SCMH1: variants seen among roughly 807,000 people sequenced by gnomAD.
The protein encoded by SCMH1 is polycomb protein SCMH1.
In SCMH1, 37 loss-of-function variants were observed where a neutral mutation model predicts 70.8. That is an observed-to-expected ratio of 0.52 (90% CI 0.40 to 0.69). The LOEUF is 0.69. Ranked by LOEUF, SCMH1 falls within the 30% of genes least tolerant of loss-of-function variation. SCMH1 has a pLI of 0.00. For synonymous variants in SCMH1, 292 were observed against 307.4 expected, an observed-to-expected ratio of 0.95 and a Z score of 0.52; for missense variants, 607 against 827.3, an observed-to-expected ratio of 0.73 and a Z score of 3.27.
chr1:41,071,504 T>C (rs140471559), intron 9 of SCMH1, among the ~76,000 whole-genome samples: 3 of 152,252 alleles, frequency 2.0e-5, no homozygotes, highest in Non-Finnish European at 4.4e-5. Flanking sequence ...GTACTTAGCA[T>C]AAAATAAGTG....
intron 7 of SCMH1, among the ~76,000 whole-genome samples, chr1:41,115,307 T>G (rs751332178): frequency 2.6e-5 from 4 of 152,252 alleles, no homozygotes; most frequent in African/African-American, 7.2e-5. Flanking sequence ...AATTTTACCA[T>G]GTAATTTTGT....
intron 8 of SCMH1, among the ~76,000 whole-genome samples, chr1:41,088,752 C>A (rs1461568665): frequency 6.6e-6 from 1 of 152,146 alleles, no homozygotes; most frequent in African/African-American, 2.4e-5. Flanking sequence ...AGGAAAAAAA[C>A]GTAAACAAAT....
intron 1 of SCMH1, among the ~76,000 whole-genome samples, chr1:41,194,736 C>T (rs1021315164): frequency 6.6e-6 from 1 of 151,916 alleles, no homozygotes; most frequent in African/African-American, 2.4e-5. Context: ...GGCCATTTGA[C>T]TTTAAAGGTG....
intron 4 of SCMH1, chr1:41,152,705 A>T (rs1174719367): frequency 6.2e-7 from 1 of 1,613,846 alleles, no homozygotes; most frequent in African/African-American, 1.3e-5. Flanking sequence ...GTGGAGCAGC[A>T]CAGAGCCCCT....
chr1:41,096,371 A>G (rs903734307), intron 8 of SCMH1, among the ~76,000 whole-genome samples: 1 of 152,238 alleles, frequency 6.6e-6, no homozygotes, highest in Non-Finnish European at 1.5e-5. Context: ...GTGTGATTTT[A>G]AGGAAGTTAC....
At chr1:41,093,590 T>C (rs1664264428) in intron 8 of SCMH1, among the ~76,000 whole-genome samples, 1 of 152,362 alleles carries the variant, frequency 6.6e-6, no homozygotes, top group South Asian at 2.1e-4. Context: ...ATTCTGTTAA[T>C]ATTAAAATCT....
chr1:41,234,770 G>A (rs1170201511), intron 1 of SCMH1, among the ~76,000 whole-genome samples: 1 of 151,816 alleles, frequency 6.6e-6, no homozygotes, highest in African/African-American at 2.4e-5. Context: ...CACCGCGCCC[G>A]GCAAAACTCT....
At chr1:41,201,857 A>C (rs1014835854) in intron 1 of SCMH1, among the ~76,000 whole-genome samples, 1 of 152,234 alleles carries the variant, frequency 6.6e-6, no homozygotes, top group African/African-American at 2.4e-5. Context: ...TAAACAGCTC[A>C]GGCAGAATAG....
At chr1:41,119,327 AT>A (rs1156648024) in intron 6 of SCMH1, among the ~76,000 whole-genome samples, 10 of 151,772 alleles carry the variant, frequency 6.6e-5, no homozygotes, top group African/African-American at 2.4e-4. Context: ...AGGTAAAGAG[AT>A]TTCTTGGGAC....
chr1:41,229,270 T>C (rs952697569), intron 1 of SCMH1, among the ~76,000 whole-genome samples: 1 of 152,130 alleles, frequency 6.6e-6, no homozygotes, highest in Non-Finnish European at 1.5e-5. Flanking sequence ...TGCACTGTGA[T>C]AGGAGTCACA....
Position 41,134,081 on chromosome 1 carries a change from CACA to C in SCMH1, c.412+8794_412+8796del, listed in dbSNP as rs1271435041. Among the ~76,000 whole-genome samples the C allele has an allele frequency of 3.3e-5, 5 of 152,112 alleles. No individual in the cohort carries two copies. In the South Asian group the frequency reaches 6.2e-4, roughly 19 times the overall value. On this transcript the variant is annotated intron_variant, in intron 6 of 14. Transcript: ENST00000337495. ...CCAGCAGCACATCAAAAAGCGTATC[CACA>C]ACAATCAAGTCGGCTTCATCCCTGG... is the stretch of plus-strand genomic sequence containing the variant.
chr1:41,182,835 CA>C (rs1354512021), intron 2 of SCMH1, among the ~76,000 whole-genome samples: 1 of 152,076 alleles, frequency 6.6e-6, no homozygotes, highest in African/African-American at 2.4e-5. Context: ...AAATGCATTA[CA>C]AAATGTGTAA....
chr1:41,092,298 G>C (rs953755031), intron 8 of SCMH1, among the ~76,000 whole-genome samples: 18 of 152,156 alleles, frequency 1.2e-4, no homozygotes, highest in Non-Finnish European at 1.6e-4. Context: ...AATAAATGGT[G>C]CTGGGAAAAC....
exon 13 of SCMH1, chr1:41,037,526 A>G: frequency 6.2e-7 from 1 of 1,614,064 alleles, no homozygotes; most frequent in South Asian, 1.1e-5. Flanking sequence ...ACTATTCCCC[A>G]GGACAAAGGT....
At chr1:41,132,953 T>C (rs1004642817) in intron 6 of SCMH1, among the ~76,000 whole-genome samples, 53 of 152,212 alleles carry the variant, frequency 3.5e-4, no homozygotes, top group Middle Eastern at 3.2e-3. Context: ...AGCCTTGTAG[T>C]ATAGTTTGAA....
intron 6 of SCMH1, among the ~76,000 whole-genome samples, chr1:41,129,964 C>T (rs922365410): frequency 1.3e-5 from 2 of 152,062 alleles, no homozygotes; most frequent in Non-Finnish European, 2.9e-5. Flanking sequence ...ACAGACATTC[C>T]CATTTCTCCA....
chr1:41,238,639 C>CA (rs1349930804), intron 1 of SCMH1, among the ~76,000 whole-genome samples: 2 of 152,182 alleles, frequency 1.3e-5, no homozygotes, highest in Non-Finnish European at 2.9e-5. Flanking sequence ...ACAGATGACT[C>CA]ATTCAATACA....
chr1:41,115,400 T>C (rs1039375774), intron 7 of SCMH1, among the ~76,000 whole-genome samples: 4 of 152,222 alleles, frequency 2.6e-5, no homozygotes, highest in African/African-American at 7.2e-5. Flanking sequence ...TGGTGAACTG[T>C]ACTTTATGAT....
At chr1:41,185,445 C>G (rs767080130) in intron 2 of SCMH1, among the ~76,000 whole-genome samples, 8 of 152,134 alleles carry the variant, frequency 5.3e-5, no homozygotes, top group Non-Finnish European at 8.8e-5. Flanking sequence ...CTTTAGCCTC[C>G]CCAAATGCCG....
Sources: allele counts gnomAD v4.1 joint callset (sites outside exome capture counted in the v4.1 genomes callset), GRCh38; gene constraint gnomAD v4.1.1; transcripts MANE v1.5; gene names NCBI Gene and HGNC (gene_info 2026-07-23, HGNC 2026-07-21).